The following VPS13D variants were observed in gnomAD, a reference collection of about 807,000 sequenced individuals.
VPS13D encodes intermembrane lipid transfer protein VPS13D.
Under a neutral mutation model 461.9 loss-of-function variants are expected in VPS13D, and 187 were observed. The ratio of observed to expected loss-of-function variants is 0.40; its 90% CI spans 0.36 to 0.46. The LOEUF (loss-of-function observed/expected upper bound fraction) is 0.46. Among genes scored for constraint, VPS13D ranks in the 20% least tolerant of loss-of-function variants. The pLI, the probability that VPS13D is intolerant of heterozygous loss-of-function variation, is 0.60. For missense variants in VPS13D, 4,711 were observed against 5,364.9 expected (o/e 0.88, Z 3.81); for synonymous variants, 1,951 against 1,986.3 (o/e 0.98, Z 0.47).
In VPS13D at chr1:12,387,610, T is replaced by C. The variant is rs866471336; in HGVS notation, c.11634+1276T>C. On this transcript the variant is annotated intron_variant, in intron 60 of 69. Transcript: ENST00000620676. ...CAACTGGCACAGATGTTAGAATTTT[T>C]GGAGGACGTTAAAACTGTTAATGTA... 7.9e-5 allele frequency among the ~76,000 whole-genome samples: 12 copies of C among 152,172 alleles called. 1 individual carries two copies. The highest frequency in any genetic ancestry group is 3.4e-3 in the Middle Eastern group (1 of 292).
Position 12,318,122 on chromosome 1 carries a change from T to C in VPS13D, c.7199T>C (p.Val2400Ala). 1 of 1,614,146 alleles carries C rather than the reference T, an allele frequency of 6.2e-7. No individual in the cohort carries two copies. Among genetic ancestry groups the C allele is most frequent in the Non-Finnish European group, 8.5e-7 (1 of 1,179,986 alleles). The change falls in exon 31 of 70, where the codon GTG becomes GCG. Residue 2400 changes from valine to alanine, a missense_variant. This residue lies in a region of VPS13D where 4,411 missense variants were observed against 4,937.8 expected (regional missense o/e 0.89). Coordinates refer to ENST00000620676, the MANE Select transcript of VPS13D (RefSeq NM_015378.4). ...CFTVVLNNLR[V>A]FLIFDWLLLV... Reference sequence around the variant, plus strand: ...ACAGTAGTTCTCAACAATCTCCGTGTGTTTCTCATATTTGACTGGCTACTG... The same window carrying C: ...ACAGTAGTTCTCAACAATCTCCGTGCGTTTCTCATATTTGACTGGCTACTG...
Position 12,348,907 on chromosome 1 carries a change from C to G in VPS13D, c.9154C>G (p.Leu3052Val). The change falls in exon 45 of 70, where the codon CTC becomes GTC. Residue 3052 changes from leucine to valine, a missense_variant. Around this residue, in one of 3 missense-constraint regions of VPS13D, gnomAD observed 4,411 missense variants for 4,937.8 expected, o/e 0.89. Transcript: ENST00000620676. ...GAAAGTCATCACTGTCCGGTCAGCC[C>G]TCATTGTGAGGAACAGACTTGAGAC... ...ARKVITVRSALIVRNRLETPM... is the reference protein window; with the variant it reads ...ARKVITVRSAVIVRNRLETPM... The G allele has an allele frequency of 6.2e-7, 1 of 1,614,166 alleles. No homozygotes were observed. The highest frequency in any genetic ancestry group is 8.5e-7 in the Non-Finnish European group (1 of 1,180,034).
chr1:12,302,688 A>T (rs533489625), intron 25 of VPS13D, among the ~76,000 whole-genome samples: 2 of 152,194 alleles, frequency 1.3e-5, no homozygotes, highest in African/African-American at 2.4e-5. Flanking sequence ...CCACATTCAC[A>T]TGCTTTAAAA....
At chr1:12,352,965 CAAAA>C (rs61588046) in intron 46 of VPS13D, among the ~76,000 whole-genome samples, 36 of 17,580 alleles carry the variant, frequency 2.0e-3, no homozygotes, top group African/African-American at 6.7e-3. Flanking sequence ...AACTCAGTCT[CAAAA>C]AAAAAAAAAA....
At chr1:12,336,414 GCT>G (rs1643452376) in intron 39 of VPS13D, 1 of 152,340 alleles carries the variant, frequency 6.6e-6, no homozygotes, top group South Asian at 2.1e-4. Context: ...TGCCTCGCCA[GCT>G]CTGTTTTCCT....
At chr1:12,421,291 G>A (rs1011487737) in intron 65 of VPS13D, among the ~76,000 whole-genome samples, 5 of 152,180 alleles carry the variant, frequency 3.3e-5, no homozygotes, top group African/African-American at 7.2e-5. Context: ...TCCCATTCCT[G>A]AGGTCATGGC....
chr1:12,247,349 G>A (rs1036148652), intron 5 of VPS13D, among the ~76,000 whole-genome samples: 1 of 151,546 alleles, frequency 6.6e-6, no homozygotes, highest in Non-Finnish European at 1.5e-5. Flanking sequence ...CCCGGGAGAC[G>A]GAGGTTGCAG....
In VPS13D at chr1:12,510,545, G is replaced by GTGTT. The variant is rs1553131578; in HGVS notation, c.*1524_*1525insTTGT. Reference sequence around the variant, plus strand: ...TGTGTCTGTGTGTGTGTGTGTGTGTGTGTGTGTGTGCGCGCGCGCGCGTGC... The same window carrying GTGTT: ...TGTGTCTGTGTGTGTGTGTGTGTGTGTGTTTGTGTGTGTGCGCGCGCGCGCGTGC... On this transcript the variant is annotated 3_prime_UTR_variant, in exon 70 of 70. Transcript: ENST00000620676. 2 of 153,662 alleles carry GTGTT rather than the reference G, an allele frequency of 1.3e-5. No homozygotes were observed. The highest frequency in any genetic ancestry group is 2.9e-5 in the Non-Finnish European group (2 of 69,606). The allele number at this position is 153,662 out of a possible 1,614,324, so 9.5% of individuals were successfully genotyped here.
Position 12,291,013 on chromosome 1 carries a change from T to C in VPS13D, c.5741T>C (p.Leu1914Ser). 7 of 1,612,070 alleles carry C rather than the reference T, an allele frequency of 4.3e-6. No homozygotes were observed. The highest frequency in any genetic ancestry group is 5.9e-6 in the Non-Finnish European group (7 of 1,179,422). The part of the protein sequence containing the change: ...HLEMIEGDLA[L>S]QGSIGSLSLS... ...TCATCCCTAGAGGGAGACCTGGCCT[T>C]ACAGGGCAGCATTGGGAGTCTGTCT... is the stretch of plus-strand genomic sequence containing the variant. Residue 1914 changes from leucine to serine, a missense_variant, in exon 23 of 70, where the codon TTA becomes TCA. By Grantham distance (145) the Leu-to-Ser change is moderately radical (BLOSUM62 -2). Transcript: ENST00000620676.
rs1017635589 is a variant in VPS13D, at chr1:12,254,513, CTTTTTTTTTTTTTT to C, written c.669+702_669+715del. Among the ~76,000 whole-genome samples, 55 of 78,240 alleles carry C rather than the reference CTTTTTTTTTTTTTT, an allele frequency of 7.0e-4. 1 individual carries two copies. The East Asian group carries it at 7.2e-3, about 10-fold the overall frequency. 51.3% of individuals were successfully genotyped at this position (78,240 alleles called of 152,430 possible). A position where few individuals can be genotyped will look rare whatever the true frequency, so the allele number is the denominator to read the frequency against. ...TGTGAAGGATTAAAAAAATCTCAAT[CTTTTTTTTTTTTTT>C]TTTTTTTTTTTTTTGAGATGGAGTC... is the stretch of plus-strand genomic sequence containing the variant. On this transcript the variant is annotated intron_variant, in intron 7 of 69. Coordinates refer to ENST00000620676, the MANE Select transcript of VPS13D (RefSeq NM_015378.4).
chr1:12,366,680 C>G lies in VPS13D; in HGVS notation c.10449-1788C>G, dbSNP rs567600682. 1.9e-3 allele frequency among the ~76,000 whole-genome samples: 287 copies of G among 152,278 alleles called. 1 individual carries two copies. The highest frequency in any genetic ancestry group is 6.4e-3 in the African/African-American group (267 of 41,556). On this transcript the variant is annotated intron_variant, in intron 52 of 69. Coordinates refer to ENST00000620676, the MANE Select transcript of VPS13D (RefSeq NM_015378.4). ...CTAAACTACTGCGAACAGACCTATGCCATCTATTTCATTTACTTTCCTCAC... is the reference window on the plus strand; with the variant it reads ...CTAAACTACTGCGAACAGACCTATGGCATCTATTTCATTTACTTTCCTCAC...
Position 12,333,249 on chromosome 1 carries a change from T to C in VPS13D, c.8311T>C (p.Trp2771Arg), listed in dbSNP as rs1465631358. 6.2e-7 allele frequency: 1 copy of C among 1,614,050 alleles called. No individual in the cohort carries two copies. ...AGGCTGGGAGCCATTTATTGAGCCT[T>C]GGCCATGCTCTGTATCCTGGCAACA... Reference protein sequence around the residue: ...LSGWEPFIEPWPCSVSWQQQA... With the variant: ...LSGWEPFIEPRPCSVSWQQQA... The change falls in exon 38 of 70, where the codon TGG becomes CGG. Residue 2771 changes from tryptophan (W) to arginine (R), a missense_variant. By Grantham distance (101) the Trp-to-Arg change is moderately radical. Around this residue, in one of 3 missense-constraint regions of VPS13D, gnomAD observed 4,411 missense variants for 4,937.8 expected, o/e 0.89. Coordinates refer to ENST00000620676, the MANE Select transcript of VPS13D (RefSeq NM_015378.4).
chr1:12,351,701 C>T (rs1366748541), intron 46 of VPS13D, among the ~76,000 whole-genome samples: 3 of 151,972 alleles, frequency 2.0e-5, no homozygotes, highest in Non-Finnish European at 2.9e-5. Flanking sequence ...AAGTGATTCT[C>T]CTGCCTCAGC....
intron 62 of VPS13D, among the ~76,000 whole-genome samples, chr1:12,403,624 A>G (rs189077668): frequency 6.6e-6 from 1 of 152,216 alleles, no homozygotes; most frequent in East Asian, 1.9e-4. Context: ...CTTTTTTGAT[A>G]AACAACACAA....
At chr1:12,257,614 G>A (rs886764074) in intron 9 of VPS13D, among the ~76,000 whole-genome samples, 13 of 152,178 alleles carry the variant, frequency 8.5e-5, no homozygotes, top group African/African-American at 3.1e-4. Flanking sequence ...TCAAATCCTC[G>A]GTAATTATCT....
intron 60 of VPS13D, among the ~76,000 whole-genome samples, chr1:12,395,750 G>A (rs1433508631): frequency 3.3e-5 from 5 of 151,876 alleles, no homozygotes; most frequent in Admixed American, 3.3e-4. Flanking sequence ...AATCAGGAGT[G>A]TCAAATGCAT....
chr1:12,295,222 C>CAAA (rs112447551), intron 24 of VPS13D, among the ~76,000 whole-genome samples: 18 of 72,990 alleles, frequency 2.5e-4, no homozygotes, highest in East Asian at 9.5e-4. Flanking sequence ...CACCATGACT[C>CAAA]AAAAAAAAAA....
chr1:12,419,668 T>A (rs143996049), intron 65 of VPS13D, among the ~76,000 whole-genome samples: 42 of 152,202 alleles, frequency 2.8e-4, no homozygotes, highest in Non-Finnish European at 5.3e-4. Context: ...ATGGTACTAA[T>A]CCATTCATAA....
intron 46 of VPS13D, 59 bp downstream of exon 46, chr1:12,349,433 A>G: frequency 1.4e-6 from 2 of 1,471,698 alleles, no homozygotes; most frequent in Non-Finnish European, 1.9e-6. Context: ...TTTTGGAATG[A>G]CTATTACCAT....
Sources: allele counts gnomAD v4.1 joint callset (sites outside exome capture counted in the v4.1 genomes callset), GRCh38; gene constraint gnomAD v4.1.1; regional missense constraint gnomAD v4.1.1; transcripts MANE v1.5; gene names NCBI Gene and HGNC (gene_info 2026-07-23, HGNC 2026-07-21).